The following CHCHD3 variants were observed in gnomAD, a reference collection of about 807,000 sequenced individuals.
The protein encoded by CHCHD3 is MICOS complex subunit MIC19.
In CHCHD3, 20 loss-of-function variants were observed where a neutral mutation model predicts 38.2. That is an observed-to-expected ratio of 0.52 (90% CI 0.37 to 0.76). The LOEUF (loss-of-function observed/expected upper bound fraction) is 0.76. Ranked by LOEUF, CHCHD3 falls within the 30% of genes least tolerant of loss-of-function variation. The probability of loss-of-function intolerance (pLI) is 0.00; values close to 1 mark genes in which losing one functional copy is unlikely to be tolerated. For synonymous variants in CHCHD3, 82 were observed against 100.0 expected, an observed-to-expected ratio of 0.82 and a Z score of 1.07; for missense variants, 245 against 279.2, an observed-to-expected ratio of 0.88 and a Z score of 0.87.
At chr7:132,800,653 G>T (rs1261136297) in intron 6 of CHCHD3, among the ~76,000 whole-genome samples, 1 of 152,096 alleles carries the variant, frequency 6.6e-6, no homozygotes, top group African/African-American at 2.4e-5. Flanking sequence ...AACTCCCAAG[G>T]CTCTAGAGGA....
intron 4 of CHCHD3, among the ~76,000 whole-genome samples, chr7:132,972,268 C>T (rs1363471357): frequency 6.6e-6 from 1 of 152,058 alleles, no homozygotes; most frequent in African/African-American, 2.4e-5. Context: ...ACGTATTTAT[C>T]AGTATAAAAA....
chr7:133,034,661 C>A, intron 2 of CHCHD3: 2 of 1,613,130 alleles, frequency 1.2e-6, no homozygotes, highest in Non-Finnish European at 1.7e-6. Flanking sequence ...GGAAGGCCCC[C>A]TCCCAGGAAA....
chr7:133,026,850 A>G (rs1431684278), intron 2 of CHCHD3, among the ~76,000 whole-genome samples: 1 of 152,200 alleles, frequency 6.6e-6, no homozygotes, highest in African/African-American at 2.4e-5. Flanking sequence ...GTAGATTAGT[A>G]GTTCCCTGCA....
intron 4 of CHCHD3, among the ~76,000 whole-genome samples, chr7:132,893,941 T>G (rs903184953): frequency 3.3e-5 from 5 of 152,182 alleles, no homozygotes; most frequent in African/African-American, 1.2e-4. Flanking sequence ...TTTATAGCAG[T>G]GTGAAAATGG....
chr7:133,073,058 A>T (rs1192553038), intron 1 of CHCHD3, among the ~76,000 whole-genome samples: 1 of 152,164 alleles, frequency 6.6e-6, no homozygotes, highest in East Asian at 1.9e-4. Flanking sequence ...GGTAGAAGTC[A>T]CCAATGACCA....
At chr7:133,027,647 T>TACTA (rs1813383960) in intron 2 of CHCHD3, among the ~76,000 whole-genome samples, 1 of 152,160 alleles carries the variant, frequency 6.6e-6, no homozygotes, top group African/African-American at 2.4e-5. Context: ...TCCAACTGTA[T>TACTA]ACTATGCTTC....
chr7:133,061,208 AG>A (rs1188099159), intron 2 of CHCHD3, among the ~76,000 whole-genome samples: 3 of 152,112 alleles, frequency 2.0e-5, no homozygotes, highest in African/African-American at 4.8e-5. Context: ...TGCTTTGGAA[AG>A]AAACTAGGGC....
chr7:133,078,386 T>C (rs762869957), intron 1 of CHCHD3, among the ~76,000 whole-genome samples: 3 of 152,190 alleles, frequency 2.0e-5, no homozygotes, highest in Admixed American at 1.3e-4. Flanking sequence ...TACATTAAGA[T>C]AAATGATGAC....
chr7:133,077,755 C>G (rs1815045501), intron 1 of CHCHD3, among the ~76,000 whole-genome samples: 2 of 152,028 alleles, frequency 1.3e-5, no homozygotes, highest in Non-Finnish European at 2.9e-5. Context: ...GAGAAGAGGG[C>G]AAGGCAAAAG....
chr7:132,968,668 A>C (rs10225486), intron 4 of CHCHD3, among the ~76,000 whole-genome samples: 343 of 152,304 alleles, frequency 2.3e-3, no homozygotes, highest in African/African-American at 8.0e-3. Context: ...TTAAATGCCC[A>C]ATAAAAGAAC....
chr7:133,034,547 T>C (rs1484877844), intron 2 of CHCHD3: 1 of 783,220 alleles, frequency 1.3e-6, no homozygotes, highest in African/African-American at 1.8e-5. Context: ...TCAGTTTCCT[T>C]TAATGACCCC....
chr7:132,945,212 T>C (rs1174542627), intron 4 of CHCHD3, among the ~76,000 whole-genome samples: 1 of 151,950 alleles, frequency 6.6e-6, no homozygotes, highest in Non-Finnish European at 1.5e-5. Flanking sequence ...TGAAGACTTC[T>C]TGGGTTTTCA....
intron 6 of CHCHD3, among the ~76,000 whole-genome samples, chr7:132,809,851 G>T (rs1214279708): frequency 6.6e-6 from 1 of 152,134 alleles, no homozygotes; most frequent in Non-Finnish European, 1.5e-5. Context: ...CTACAGCAGC[G>T]ATAAGTTTCC....
At chr7:133,072,622 G>A (rs1333944807) in intron 1 of CHCHD3, among the ~76,000 whole-genome samples, 6 of 152,096 alleles carry the variant, frequency 3.9e-5, no homozygotes, top group African/African-American at 7.2e-5. Flanking sequence ...GGCGGATCAC[G>A]AGGTCAGGAG....
intron 3 of CHCHD3, among the ~76,000 whole-genome samples, chr7:132,982,800 TC>T (rs1811952386): frequency 6.6e-6 from 1 of 152,128 alleles, no homozygotes; most frequent in Non-Finnish European, 1.5e-5. Flanking sequence ...AGCTGAACCT[TC>T]AATAACACAC....
chr7:132,965,059 A>ATGTGTGTGTGTGTGTGTGTGTG (rs5887603), intron 4 of CHCHD3, among the ~76,000 whole-genome samples: 1 of 148,438 alleles, frequency 6.7e-6, no homozygotes, highest in Admixed American at 6.7e-5. Context: ...TATGGGTTTT[A>ATGTGTGTGTGTGTGTGTGTGTG]TGTGTGTGTG....
chr7:132,920,338 G>A (rs529402304), intron 4 of CHCHD3, among the ~76,000 whole-genome samples: 3 of 152,306 alleles, frequency 2.0e-5, no homozygotes, highest in Non-Finnish European at 2.9e-5. Context: ...TACAGAAAAA[G>A]TTTGCTGGCC....
chr7:133,021,736 A>G (rs746750612), intron 3 of CHCHD3, among the ~76,000 whole-genome samples: 35 of 152,208 alleles, frequency 2.3e-4, no homozygotes, highest in Non-Finnish European at 3.2e-4. Flanking sequence ...GAATTGTTAC[A>G]ACTGTGTCAT....
intron 5 of CHCHD3, among the ~76,000 whole-genome samples, chr7:132,862,185 A>T (rs937631113): frequency 2.0e-5 from 3 of 151,892 alleles, no homozygotes; most frequent in African/African-American, 7.3e-5. Flanking sequence ...GAGGGGAGGG[A>T]AAGAAGGGAG....
Sources: allele counts gnomAD v4.1 joint callset (sites outside exome capture counted in the v4.1 genomes callset), GRCh38; gene constraint gnomAD v4.1.1; transcripts MANE v1.5; gene names NCBI Gene and HGNC (gene_info 2026-07-23, HGNC 2026-07-21).